The following ADAMTS2 variants were observed in gnomAD, a reference collection of about 807,000 sequenced individuals.
The protein encoded by ADAMTS2 is A disintegrin and metalloproteinase with thrombospondin motifs 2.
Under a neutral mutation model 123.0 loss-of-function variants are expected in ADAMTS2, and 50 were observed. The observed-to-expected ratio is 0.41, with a 90% CI of 0.32 to 0.51. The LOEUF (loss-of-function observed/expected upper bound fraction) is 0.51, where lower values mean the gene tolerates loss of function less well. Among genes scored for constraint, ADAMTS2 ranks in the 20% least tolerant of loss-of-function variants. The pLI is 0.35. For missense variants in ADAMTS2, 1,494 were observed against 1,705.2 expected (o/e 0.88, Z 2.18); for synonymous variants, 678 against 695.4 (o/e 0.98, Z 0.39).
chr5:179,136,745 C>T (rs1177689073), intron 12 of ADAMTS2, among the ~76,000 whole-genome samples: 2 of 149,650 alleles, frequency 1.3e-5, no homozygotes, highest in East Asian at 2.0e-4. Context: ...CCGAGGCAGG[C>T]GGATCATGAC....
rs1260616564 is a variant in ADAMTS2 at position 179,154,085 on chromosome 5, G to A, written c.1346C>T (p.Ser449Phe). 1.2e-6 allele frequency: 2 copies of A among 1,604,894 alleles called. No homozygotes were observed. The highest frequency in any genetic ancestry group is 8.5e-7 in the Non-Finnish European group (1 of 1,178,468). ...VQAAFHRFHWSRCSQQELSRY... is the reference protein window; with the variant it reads ...VQAAFHRFHWFRCSQQELSRY... The stretch of plus-strand genomic sequence containing the variant: ...GCTCAGCTCCTGCTGGCTGCAGCGG[G>A]ACCAGTGGAAGCGGTGGAAGGCGGC... The change falls in exon 8 of 22, where the codon TCC becomes TTC. Residue 449 changes from serine (S) to phenylalanine (F), a missense_variant. This residue lies in a region of ADAMTS2 where 953 missense variants were observed against 1,124.7 expected (regional missense o/e 0.85). Transcript: ENST00000251582.
intron 3 of ADAMTS2, among the ~76,000 whole-genome samples, chr5:179,254,850 C>T (rs1766008989): frequency 6.6e-6 from 1 of 152,260 alleles, no homozygotes; most frequent in Non-Finnish European, 1.5e-5. Context: ...CTGCCTTTTC[C>T]CCCAGCCAGA....
In ADAMTS2 at chr5:179,170,862, T is replaced by C. The variant is rs935207660; in HGVS notation, c.975+10210A>G. On this transcript the variant is annotated intron_variant, in intron 5 of 21. Transcript: ENST00000251582. This position sits in a 1 kb window ranked among gnomAD's most constrained non-coding sequence, Gnocchi z 4.3. The stretch of plus-strand genomic sequence containing the variant: ...AGCCAGAGGCTCTGGGCTGGCCGGA[T>C]GCTTTGGGGGCACAAGGATACATCT... 4.6e-5 allele frequency among the ~76,000 whole-genome samples: 7 copies of C among 152,154 alleles called. No individual in the cohort carries two copies. The highest frequency in any genetic ancestry group is 1.3e-4 in the Admixed American group (2 of 15,278).
chr5:179,181,264 C>G lies in ADAMTS2; in HGVS notation c.892-109G>C. 1.2e-6 allele frequency: 1 copy of G among 808,200 alleles called. No individual in the cohort carries two copies. Among genetic ancestry groups the G allele is most frequent in the Middle Eastern group, 2.2e-4 (1 of 4,532 alleles). The allele number at this position is 808,200 out of a possible 1,614,324, so 50.1% of individuals were successfully genotyped here. ...TCCTTCTTCTTCCCATGCTTTCCAC[C>G]CAGGCGTCACCATCAACTAGGAGCC... On this transcript the variant is annotated intron_variant, in intron 4 of 21. Coordinates refer to ENST00000251582, the MANE Select transcript of ADAMTS2 (RefSeq NM_014244.5). The surrounding 1 kb of genome is among the most constrained non-coding windows in gnomAD (Gnocchi z 4.1).
intron 3 of ADAMTS2, among the ~76,000 whole-genome samples, chr5:179,241,608 A>C (rs1291285167): frequency 6.6e-6 from 1 of 152,254 alleles, no homozygotes; most frequent in Non-Finnish European, 1.5e-5. Flanking sequence ...AAAAGAGCAC[A>C]GCCTTCTTGA....
chr5:179,253,601 G>A lies in ADAMTS2; in HGVS notation c.688+19310C>T, dbSNP rs541278051. Among the ~76,000 whole-genome samples, 9 of 151,410 alleles carry A rather than the reference G, an allele frequency of 5.9e-5. No homozygotes were observed. The South Asian group carries it at 1.7e-3, about 28-fold the overall frequency. On this transcript the variant is annotated intron_variant, in intron 3 of 21. Transcript: ENST00000251582. ...GCAGAGGCTGCAGTGAGCCGAGATC[G>A]AGCCACTGCACTCCAGCCTGGGTAA...
chr5:179,154,557 T>C (rs1279790789), intron 7 of ADAMTS2, among the ~76,000 whole-genome samples: 2 of 152,184 alleles, frequency 1.3e-5, no homozygotes, highest in South Asian at 2.1e-4. Flanking sequence ...GATGTGATAA[T>C]GGGGCAAGGT....
chr5:179,254,215 G>T (rs1765992694), intron 3 of ADAMTS2, among the ~76,000 whole-genome samples: 1 of 152,100 alleles, frequency 6.6e-6, no homozygotes, highest in African/African-American at 2.4e-5. Flanking sequence ...CATGTCGCTG[G>T]GCATATGATG....
intron 3 of ADAMTS2, among the ~76,000 whole-genome samples, chr5:179,210,383 CTG>C (rs1477706227): frequency 6.6e-6 from 1 of 152,246 alleles, no homozygotes; most frequent in African/African-American, 2.4e-5. Context: ...TTTAACTAAA[CTG>C]TGTGTTGCAA....
At chr5:179,149,010 G>A (rs1040810079) in intron 10 of ADAMTS2, among the ~76,000 whole-genome samples, 7 of 152,066 alleles carry the variant, frequency 4.6e-5, no homozygotes, top group African/African-American at 1.2e-4. Flanking sequence ...CCCCTCACTC[G>A]AGCATGGAGG....
In ADAMTS2 at chr5:179,320,986, G is replaced by T. The variant is rs141659262; in HGVS notation, c.534+22781C>A. On this transcript the variant is annotated intron_variant, in intron 2 of 21. Transcript: ENST00000251582. ...TGGGGATGTGGGAAAAAAAACAACT[G>T]AAAATTTATTTGGGCACCTGGATCC... Among the ~76,000 whole-genome samples, 307 of 152,254 alleles carry T rather than the reference G, an allele frequency of 2.0e-3. 2 individuals are homozygous for T. The highest frequency in any genetic ancestry group is 7.0e-3 in the African/African-American group (290 of 41,538).
intron 3 of ADAMTS2, among the ~76,000 whole-genome samples, chr5:179,221,118 G>C (rs569703948): frequency 6.6e-6 from 1 of 152,278 alleles, no homozygotes; most frequent in South Asian, 2.1e-4. Context: ...GGGCCACACT[G>C]TGCCACCAAG....
At chr5:179,323,701 C>T (rs1237499871) in intron 2 of ADAMTS2, among the ~76,000 whole-genome samples, 3 of 152,276 alleles carry the variant, frequency 2.0e-5, no homozygotes, top group Admixed American at 1.3e-4. Flanking sequence ...TCACAGGCTT[C>T]GGCAACTGTC....
At chr5:179,201,052 C>A (rs1044194480) in intron 4 of ADAMTS2, among the ~76,000 whole-genome samples, 4 of 152,118 alleles carry the variant, frequency 2.6e-5, no homozygotes, top group Admixed American at 6.5e-5. Context: ...CAACTTACAA[C>A]AAAAAAACTT....
At chr5:179,217,734 T>TA (rs1459928533) in intron 3 of ADAMTS2, among the ~76,000 whole-genome samples, 3 of 81,748 alleles carry the variant, frequency 3.7e-5, no homozygotes, top group African/African-American at 1.3e-4. Context: ...CAAGGGCAGA[T>TA]GGCACACTTG....
chr5:179,334,903 T>C (rs944005760), intron 2 of ADAMTS2, among the ~76,000 whole-genome samples: 1 of 152,196 alleles, frequency 6.6e-6, no homozygotes, highest in Non-Finnish European at 1.5e-5. Flanking sequence ...TATATAATAC[T>C]TCATGGTACA....
At chr5:179,328,096 G>T (rs114039510) in intron 2 of ADAMTS2, among the ~76,000 whole-genome samples, 2 of 152,158 alleles carry the variant, frequency 1.3e-5, no homozygotes, top group Non-Finnish European at 2.9e-5. Context: ...TGGTGCAAGC[G>T]ATCTGAGCTC....
intron 3 of ADAMTS2, among the ~76,000 whole-genome samples, chr5:179,214,830 T>A (rs1764937963): frequency 6.6e-6 from 1 of 151,610 alleles, no homozygotes. Context: ...GTTAAAATAA[T>A]TGTTAAAATT....
chr5:179,200,240 T>C (rs562155237), intron 4 of ADAMTS2, among the ~76,000 whole-genome samples: 70 of 145,318 alleles, frequency 4.8e-4, no homozygotes, highest in African/African-American at 1.8e-3. Flanking sequence ...CACACCTTTC[T>C]TTCCTTTTTT....
Sources: allele counts gnomAD v4.1 joint callset (sites outside exome capture counted in the v4.1 genomes callset), GRCh38; gene constraint gnomAD v4.1.1; regional missense constraint gnomAD v4.1.1; non-coding constraint Gnocchi (gnomAD v3.1); transcripts MANE v1.5; gene names NCBI Gene and HGNC (gene_info 2026-07-23, HGNC 2026-07-21).